DGAT2: variants seen among roughly 807,000 people sequenced by gnomAD.
DGAT2 encodes diacylglycerol O-acyltransferase 2.
A neutral mutation model predicts 48.4 loss-of-function variants in DGAT2; 33 were observed. The observed-to-expected ratio is 0.68, with a 90% CI of 0.52 to 0.91. The LOEUF is 0.91. Among genes scored for constraint, DGAT2 ranks in the 40% least tolerant of loss-of-function variants. The probability of loss-of-function intolerance (pLI) is 0.00; values close to 1 mark genes in which losing one functional copy is unlikely to be tolerated. For missense variants in DGAT2, 446 were observed against 493.7 expected (o/e 0.90, Z 0.92); for synonymous variants, 191 against 194.1 (o/e 0.98, Z 0.13).
At chr11:75,789,069 C>T (rs910991204) in intron 2 of DGAT2, among the ~76,000 whole-genome samples, 1 of 152,076 alleles carries the variant, frequency 6.6e-6, no homozygotes, top group Admixed American at 6.5e-5. Context: ...AGATTAGTCT[C>T]TCTTATGACC....
At chr11:75,778,526 T>G (rs1002666529) in intron 1 of DGAT2, among the ~76,000 whole-genome samples, 4 of 152,112 alleles carry the variant, frequency 2.6e-5, no homozygotes, top group African/African-American at 9.7e-5. Flanking sequence ...CACATGTGCC[T>G]TAAACGTTTT....
At chr11:75,796,735 T>C (rs1441533659) in intron 5 of DGAT2, 6 of 600,254 alleles carry the variant, frequency 1.0e-5, no homozygotes, top group Non-Finnish European at 1.7e-5. Flanking sequence ...TCGGATAACA[T>C]CTTCCCTAGG....
At chr11:75,782,008 T>G (rs1944870441) in intron 1 of DGAT2, among the ~76,000 whole-genome samples, 1 of 152,150 alleles carries the variant, frequency 6.6e-6, no homozygotes, top group South Asian at 2.1e-4. Flanking sequence ...CCAAGCTGCA[T>G]GGGGGCTGGC....
chr11:75,768,801 G>C lies in DGAT2; in HGVS notation c.-191G>C. The C allele has an allele frequency of 1.6e-6, 1 of 633,988 alleles. No individual in the cohort carries two copies. The allele number at this position is 633,988 out of a possible 1,614,324, so 39.3% of individuals were successfully genotyped here. Reference sequence around the variant, plus strand: ...GCGCCGCGGCTGCCGCCTCTGCTGGGGTCTAGGCTGTTTCTCTCGCGCCAC... The same window carrying C: ...GCGCCGCGGCTGCCGCCTCTGCTGGCGTCTAGGCTGTTTCTCTCGCGCCAC... On this transcript the variant is annotated 5_prime_UTR_variant, in exon 1 of 8. Transcript: ENST00000228027.
intron 3 of DGAT2, 71 bp from the exon 4 acceptor site, chr11:75,790,590 T>A: frequency 7.0e-7 from 1 of 1,434,888 alleles, no homozygotes; most frequent in Admixed American, 1.7e-5. Flanking sequence ...GGTTTCACAC[T>A]GGCCCTGTCT....
In DGAT2 at chr11:75,800,594, T is replaced by C; in HGVS notation, c.*86T>C. The stretch of plus-strand genomic sequence containing the variant: ...AATTTGGAAGTGTCATGGGTGTCTG[T>C]GGGTTATTTAAAAGAAATTATAACA... On this transcript the variant is annotated 3_prime_UTR_variant, in exon 8 of 8. Transcript: ENST00000228027. The C allele has an allele frequency of 4.8e-6, 7 of 1,454,648 alleles. No homozygotes were observed. Among genetic ancestry groups the C allele is most frequent in the Non-Finnish European group, 6.5e-6 (7 of 1,084,724 alleles). The allele number at this position is 1,454,648 out of a possible 1,614,324, so 90.1% of individuals were successfully genotyped here. A position where few individuals can be genotyped will look rare whatever the true frequency, so the allele number is the denominator to read the frequency against.
At chr11:75,774,223 C>T (rs1433350529) in intron 1 of DGAT2, among the ~76,000 whole-genome samples, 1 of 152,192 alleles carries the variant, frequency 6.6e-6, no homozygotes, top group Non-Finnish European at 1.5e-5. Flanking sequence ...GCCTCATGGG[C>T]AGGGCCCAGG....
intron 1 of DGAT2, chr11:75,773,755 G>A (rs1333177999): frequency 6.6e-6 from 1 of 152,280 alleles, no homozygotes; most frequent in African/African-American, 2.4e-5. Flanking sequence ...GTGAGACCAG[G>A]GGGATGTACA....
chr11:75,796,248 C>T, intron 4 of DGAT2, 80 bp from the exon 5 acceptor site: 2 of 1,272,530 alleles, frequency 1.6e-6, no homozygotes, highest in Non-Finnish European at 2.3e-6. Context: ...AATGACACAT[C>T]CAATCCCTCC....
intron 2 of DGAT2, among the ~76,000 whole-genome samples, chr11:75,788,283 A>ATAC (rs1271499996): frequency 6.6e-6 from 1 of 152,206 alleles, no homozygotes; most frequent in East Asian, 1.9e-4. Flanking sequence ...CTGAACAGTA[A>ATAC]GTATGACTTT....
rs1590866060 is a variant in DGAT2, at chr11:75,779,002, G to A, written c.122-5616G>A. Among the ~76,000 whole-genome samples, 7 of 152,320 alleles carry A rather than the reference G, an allele frequency of 4.6e-5. No homozygotes were observed. In the South Asian group the frequency reaches 1.4e-3, roughly 32 times the overall value. On this transcript the variant is annotated intron_variant, in intron 1 of 7. Coordinates refer to ENST00000228027, the MANE Select transcript of DGAT2 (RefSeq NM_032564.5). The stretch of plus-strand genomic sequence containing the variant: ...CCCAGGGCCCTCTTTCTCAGATTTA[G>A]GGGGTTGGGGCTCAGACACTGCTGC...
At chr11:75,771,728 C>T (rs981484017) in intron 1 of DGAT2, among the ~76,000 whole-genome samples, 8 of 152,078 alleles carry the variant, frequency 5.3e-5, no homozygotes, top group African/African-American at 1.9e-4. Flanking sequence ...TGTGGCTTCC[C>T]CCCTCACCTA....
rs1945097231 is a variant in DGAT2, at chr11:75,800,340, C to T, written c.1013-14C>T. ...GGTGTTGACTAACCAGAAGCCTCTG[C>T]CCTGTCCCTGCAGTGGGAGAGCCCA... On this transcript the variant is annotated splice_polypyrimidine_tract_variant and intron_variant, in intron 7 of 7. Coordinates refer to ENST00000228027, the MANE Select transcript of DGAT2 (RefSeq NM_032564.5). 1.9e-6 allele frequency: 3 copies of T among 1,613,450 alleles called. No homozygotes were observed. The highest frequency in any genetic ancestry group is 1.7e-5 in the Admixed American group (1 of 59,956).
rs201226780 is a variant in DGAT2, at chr11:75,797,281, C to T, written c.758C>T (p.Ala253Val). ...CTGAGCTCCATGCCTGGCAAGAATG[C>T]AGTCACCCTGCGGAACCGCAAGGGC... Reference protein sequence around the residue: ...ESLSSMPGKNAVTLRNRKGFV... With the variant: ...ESLSSMPGKNVVTLRNRKGFV... The change falls in exon 6 of 8, where the codon GCA becomes GTA. Residue 253 changes from alanine to valine, a missense_variant. Ala to Val is a moderately conservative substitution (Grantham distance 64). Transcript: ENST00000228027. The T allele has an allele frequency of 1.9e-6, 3 of 1,571,220 alleles. No individual in the cohort carries two copies. Among genetic ancestry groups the T allele is most frequent in the Non-Finnish European group, 2.6e-6 (3 of 1,158,500 alleles).
intron 2 of DGAT2, among the ~76,000 whole-genome samples, chr11:75,787,112 C>G (rs1241740505): frequency 6.6e-6 from 1 of 151,816 alleles, no homozygotes; most frequent in African/African-American, 2.4e-5. Context: ...ATGAAAATAC[C>G]TTTGTTATTT....
rs375139296 is a variant in DGAT2 at position 75,785,787 on chromosome 11, A to G, written c.250+1041A>G. On this transcript the variant is annotated intron_variant, in intron 2 of 7. Coordinates refer to ENST00000228027, the MANE Select transcript of DGAT2 (RefSeq NM_032564.5). ...GAGCAGCTGTCCTTCAGGCAGGTGCATGGGGCGCTCTGAGACTGAGACCAT... is the reference window on the plus strand; with the variant it reads ...GAGCAGCTGTCCTTCAGGCAGGTGCGTGGGGCGCTCTGAGACTGAGACCAT... Among the ~76,000 whole-genome samples, 9 of 152,314 alleles carry G rather than the reference A, an allele frequency of 5.9e-5. No homozygotes were observed. In the East Asian group the frequency reaches 1.7e-3, roughly 29 times the overall value.
intron 5 of DGAT2, chr11:75,796,917 G>A: frequency 2.2e-6 from 1 of 462,316 alleles, no homozygotes; most frequent in Middle Eastern, 5.7e-4. Context: ...AGGGCCCTGG[G>A]AATGTTTGCC....
chr11:75,782,347 T>C (rs1030340733), intron 1 of DGAT2, among the ~76,000 whole-genome samples: 1 of 152,210 alleles, frequency 6.6e-6, no homozygotes, highest in African/African-American at 2.4e-5. Context: ...CGCTCCCAGG[T>C]GATGCTGATG....
intron 1 of DGAT2, among the ~76,000 whole-genome samples, chr11:75,781,276 A>G (rs902028325): frequency 9.9e-5 from 15 of 152,246 alleles, no homozygotes; most frequent in Non-Finnish European, 1.9e-4. Flanking sequence ...CTGCTGCCTT[A>G]TCACCATCTC....
Sources: gnomAD v4.1 joint callset for allele counts (sites outside exome capture counted in the v4.1 genomes callset) on GRCh38, gnomAD v4.1.1 for gene constraint, MANE v1.5 for transcripts, NCBI Gene and HGNC (gene_info 2026-07-23, HGNC 2026-07-21) for gene names.